SETBP1: variants seen among roughly 807,000 people sequenced by gnomAD.
SETBP1 encodes the protein SET-binding protein.
In SETBP1, 9 loss-of-function variants were observed where a neutral mutation model predicts 101.0. The observed-to-expected ratio is 0.09, with a 90% CI of 0.05 to 0.16. The LOEUF (loss-of-function observed/expected upper bound fraction) is 0.16. SETBP1 is among the 10% of genes least tolerant of loss of function. SETBP1 has a pLI of 1.00. For synonymous variants in SETBP1, 818 were observed against 788.5 expected, an observed-to-expected ratio of 1.04 and a Z score of -0.63; for missense variants, 1,858 against 2,033.8, an observed-to-expected ratio of 0.91 and a Z score of 1.66.
At chr18:44,797,584 T>C (rs1163090259) in intron 2 of SETBP1, among the ~76,000 whole-genome samples, 1 of 152,054 alleles carries the variant, frequency 6.6e-6, no homozygotes, top group Non-Finnish European at 1.5e-5. Flanking sequence ...AGGTTCAGGA[T>C]CTCTTAGAAT....
intron 2 of SETBP1, among the ~76,000 whole-genome samples, chr18:44,790,356 G>A (rs181334567): frequency 1.5e-3 from 234 of 152,272 alleles, no homozygotes; most frequent in African/African-American, 4.8e-3. Flanking sequence ...CAAAGTATTA[G>A]CACCACATGG....
chr18:44,852,348 C>T (rs1254364430), intron 2 of SETBP1, among the ~76,000 whole-genome samples: 2 of 152,212 alleles, frequency 1.3e-5, no homozygotes, highest in African/African-American at 4.8e-5. Context: ...ACATGCTATA[C>T]TCTGGCAGTT....
chr18:44,953,088 G>A lies in SETBP1; in HGVS notation c.3748G>A (p.Asp1250Asn). The A allele has an allele frequency of 1.2e-6, 2 of 1,614,206 alleles. No individual in the cohort carries two copies. The highest frequency in any genetic ancestry group is 1.7e-6 in the Non-Finnish European group (2 of 1,180,034). Residue 1250 changes from aspartate (D) to asparagine (N), a missense_variant, in exon 4 of 6, where the codon GAC becomes AAC. Physicochemically the swap from Asp to Asn is conservative, Grantham distance 23. This residue lies in a region of SETBP1 where 417 missense variants were observed against 389.1 expected (regional missense o/e 1.07). Transcript: ENST00000649279. ...QHWTQAKEKG[D>N]LSSEPVDSCT... ...TTGGACACAGGCCAAGGAAAAAGGA[G>A]ACTTGAGCAGTGAGCCTGTGGACTC...
intron 3 of SETBP1, among the ~76,000 whole-genome samples, chr18:44,923,456 ATGT>A (rs1363651269): frequency 6.6e-6 from 1 of 152,164 alleles, no homozygotes; most frequent in Non-Finnish European, 1.5e-5. Context: ...AAGTCTCCTG[ATGT>A]TGTTGAGTCT....
At chr18:44,927,519 C>T (rs972363105) in intron 3 of SETBP1, among the ~76,000 whole-genome samples, 11 of 152,222 alleles carry the variant, frequency 7.2e-5, no homozygotes, top group African/African-American at 2.7e-4. Flanking sequence ...CATTTCACAA[C>T]TCCTGGATAA....
rs769896964 is a variant in SETBP1, at chr18:45,063,404, C to T, written c.4497C>T (p.Ala1499=). The change falls in exon 6 of 6, where the codon GCC becomes GCT. Residue 1499 remains alanine (A), a synonymous_variant. Transcript: ENST00000649279. ...TGAGCCCGCTGGTGCTGGAGCCCGCCGCCAGCCAAGACACCATCATGGCCA... is the reference window on the plus strand; with the variant it reads ...TGAGCCCGCTGGTGCTGGAGCCCGCTGCCAGCCAAGACACCATCATGGCCA... ...PSLSPLVLEP[A]ASQDTIMATI... 2.3e-5 allele frequency: 35 copies of T among 1,536,454 alleles called. No individual in the cohort carries two copies. Among genetic ancestry groups the T allele is most frequent in the Non-Finnish European group, 2.8e-5 (32 of 1,140,888 alleles).
chr18:44,845,856 A>G (rs2072713991), intron 2 of SETBP1, among the ~76,000 whole-genome samples: 1 of 152,236 alleles, frequency 6.6e-6, no homozygotes, highest in Non-Finnish European at 1.5e-5. Context: ...TAGAAATTCT[A>G]TCAAGGTCTT....
intron 3 of SETBP1, among the ~76,000 whole-genome samples, chr18:44,939,922 A>G (rs1033254210): frequency 6.6e-6 from 1 of 152,216 alleles, no homozygotes; most frequent in Non-Finnish European, 1.5e-5. Context: ...TTGATAGTAC[A>G]GATGAAACCT....
At chr18:44,861,229 CTTTTTTTTTTTTTTTTT>C (rs775284488) in intron 2 of SETBP1, among the ~76,000 whole-genome samples, 25 of 88,340 alleles carry the variant, frequency 2.8e-4, no homozygotes, top group East Asian at 2.1e-3. Flanking sequence ...TTTTTCTTTT[CTTTTTTTTTTTTTTTTT>C]TTTTTTTTTT....
At chr18:44,739,186 AAGAC>A (rs1466829499) in intron 2 of SETBP1, among the ~76,000 whole-genome samples, 1 of 152,138 alleles carries the variant, frequency 6.6e-6, no homozygotes, top group Non-Finnish European at 1.5e-5. Flanking sequence ...TGCTTGATCT[AAGAC>A]AGTCTATTTC....
At chr18:45,026,517 A>G (rs1001047992) in intron 4 of SETBP1, among the ~76,000 whole-genome samples, 10 of 152,196 alleles carry the variant, frequency 6.6e-5, no homozygotes, top group African/African-American at 1.9e-4. Context: ...TATGTTCAGC[A>G]ATAGCCTGTA....
chr18:44,961,054 G>A (rs2071600320), intron 4 of SETBP1, among the ~76,000 whole-genome samples: 1 of 152,212 alleles, frequency 6.6e-6, no homozygotes, highest in African/African-American at 2.4e-5. Context: ...AGAATGATGA[G>A]GGGCTTAGGC....
chr18:45,045,173 C>T (rs900433415), intron 5 of SETBP1, among the ~76,000 whole-genome samples: 5 of 152,052 alleles, frequency 3.3e-5, no homozygotes. Context: ...ACCTGTAATC[C>T]CAGCACTTGG....
At chr18:44,730,651 C>A (rs1008123602) in intron 2 of SETBP1, among the ~76,000 whole-genome samples, 1 of 152,172 alleles carries the variant, frequency 6.6e-6, no homozygotes, top group Non-Finnish European at 1.5e-5. Flanking sequence ...CTTTTTCAGA[C>A]CCTCAGCAGA....
chr18:44,743,252 C>T (rs1054822844), intron 2 of SETBP1, among the ~76,000 whole-genome samples: 10 of 151,874 alleles, frequency 6.6e-5, no homozygotes, highest in African/African-American at 9.7e-5. Flanking sequence ...TGTTTAATTT[C>T]GGCTCCTGTA....
At chr18:44,900,480 C>T (rs1241688640) in intron 3 of SETBP1, among the ~76,000 whole-genome samples, 6 of 152,136 alleles carry the variant, frequency 3.9e-5, no homozygotes. Flanking sequence ...TCATAACCAG[C>T]CTGTGTTTCA....
chr18:44,913,463 G>C (rs1039041109), intron 3 of SETBP1, among the ~76,000 whole-genome samples: 2 of 152,254 alleles, frequency 1.3e-5, no homozygotes, highest in African/African-American at 4.8e-5. Flanking sequence ...TGAGAAAGCA[G>C]AGACATGCAT....
intron 5 of SETBP1, among the ~76,000 whole-genome samples, chr18:45,062,752 C>T (rs974133980): frequency 2.0e-5 from 3 of 152,136 alleles, no homozygotes; most frequent in African/African-American, 7.2e-5. Context: ...GCCATTGAGT[C>T]CCACGGCTCT....
chr18:45,010,913 G>A (rs1011635929), intron 4 of SETBP1, among the ~76,000 whole-genome samples: 2 of 152,190 alleles, frequency 1.3e-5, no homozygotes, highest in African/African-American at 4.8e-5. Context: ...CTAAAGGAAA[G>A]CAAAGTTCTA....
Sources: gnomAD v4.1 joint callset for allele counts (sites outside exome capture counted in the v4.1 genomes callset) on GRCh38, gnomAD v4.1.1 for gene constraint, gnomAD v4.1.1 regional missense constraint, MANE v1.5 for transcripts, NCBI Gene and HGNC (gene_info 2026-07-23, HGNC 2026-07-21) for gene names.